SI: variants seen among roughly 807,000 people sequenced by gnomAD.
SI encodes sucrase-isomaltase, intestinal.
SI carries 235 observed loss-of-function variants against 253.3 expected under a neutral mutation model. That is an observed-to-expected ratio of 0.93 (90% CI 0.83 to 1.03). The LOEUF is 1.03. SI is among the 50% of genes least tolerant of loss of function. The pLI is 0.00. For missense variants in SI, 2,442 were observed against 2,211.1 expected, an observed-to-expected ratio of 1.10 and a Z score of -2.09; for synonymous variants, 819 against 712.0, an observed-to-expected ratio of 1.15 and a Z score of -2.39.
chr3:165,059,054 G>C lies in SI; in HGVS notation c.1307C>G (p.Ala436Gly). The C allele has an allele frequency of 6.2e-7, 1 of 1,612,290 alleles. No individual in the cohort carries two copies. Among genetic ancestry groups the C allele is most frequent in the Non-Finnish European group, 8.5e-7 (1 of 1,179,130 alleles). The change falls in exon 12 of 48, where the codon GCC (alanine) becomes GGC (glycine). Residue 436 changes from alanine (A) to glycine (G), a missense_variant. By Grantham distance (60) the Ala-to-Gly change is moderately conservative. Coordinates refer to ENST00000264382, the MANE Select transcript of SI (RefSeq NM_001041.4). ...LDPAISIGRR[A>G]NGTTYATYER... ...ATAGGTTGCATATGTTGTTCCATTG[G>C]CACGTCGACCTATGGAAATTGCAGG...
intron 18 of SI, 78 bp downstream of exon 18, chr3:165,040,862 T>G (rs1452676182): frequency 8.8e-7 from 1 of 1,133,184 alleles, no homozygotes; most frequent in Non-Finnish European, 1.3e-6. Flanking sequence ...TATCTTGATT[T>G]ACCTCCATTA....
intron 25 of SI, among the ~76,000 whole-genome samples, chr3:165,030,157 T>C (rs1214828968): frequency 2.7e-5 from 4 of 150,348 alleles, no homozygotes; most frequent in African/African-American, 7.3e-5. Context: ...AGCCCAGAAT[T>C]TGAAAAACAG....
intron 25 of SI, among the ~76,000 whole-genome samples, chr3:165,027,607 C>T (rs889450732): frequency 1.3e-5 from 2 of 151,222 alleles, no homozygotes; most frequent in Non-Finnish European, 3.0e-5. Context: ...AAAAGATAGC[C>T]CAACATGACC....
At chr3:164,980,269 A>G (rs1234999900) in intron 47 of SI, among the ~76,000 whole-genome samples, 2 of 151,990 alleles carry the variant, frequency 1.3e-5, no homozygotes, top group African/African-American at 4.8e-5. Flanking sequence ...ATAGTTAAAT[A>G]ATTGAGTATT....
At chr3:165,035,212 A>G (rs546859351) in intron 22 of SI, among the ~76,000 whole-genome samples, 8 of 152,038 alleles carry the variant, frequency 5.3e-5, no homozygotes, top group Non-Finnish European at 1.2e-4. Flanking sequence ...GGAGATATAA[A>G]TTTGAAAGTC....
At chr3:164,997,092 A>G (rs1576874802) in intron 38 of SI, among the ~76,000 whole-genome samples, 2 of 151,770 alleles carry the variant, frequency 1.3e-5, no homozygotes. Context: ...CATTTTTGAA[A>G]ATAAATATGC....
At chr3:165,058,900 A>ACACTCAC in intron 12 of SI, 63 bp downstream of exon 12, 5 of 1,389,746 alleles carry the variant, frequency 3.6e-6, no homozygotes, top group Non-Finnish European at 5.1e-6. Context: ...ACATCCACAG[A>ACACTCAC]AACTTTATTA....
chr3:165,029,438 C>T (rs1396765831), intron 25 of SI, among the ~76,000 whole-genome samples: 1 of 149,670 alleles, frequency 6.7e-6, no homozygotes, highest in East Asian at 2.0e-4. Flanking sequence ...GGGTATCTAC[C>T]CAGAGAAAAA....
chr3:165,061,932 G>A (rs1431589493), intron 9 of SI, among the ~76,000 whole-genome samples: 4 of 151,954 alleles, frequency 2.6e-5, no homozygotes, highest in Non-Finnish European at 5.9e-5. Flanking sequence ...TTTACCTGCT[G>A]TGAATTTATG....
At chr3:164,989,397 A>AAAG (rs1409506757) in intron 44 of SI, among the ~76,000 whole-genome samples, 32 of 143,410 alleles carry the variant, frequency 2.2e-4, no homozygotes, top group Non-Finnish European at 4.7e-4. Context: ...AGGAAGAAAG[A>AAAG]AAGAAAGAAA....
chr3:165,070,120 AATAG>A (rs1273553406), intron 3 of SI, among the ~76,000 whole-genome samples: 2 of 146,804 alleles, frequency 1.4e-5, no homozygotes, highest in East Asian at 3.9e-4. Context: ...ATAATATTTA[AATAG>A]ATAAGTATAT....
At chr3:165,056,309 A>G (rs1026508501) in intron 12 of SI, among the ~76,000 whole-genome samples, 3 of 152,120 alleles carry the variant, frequency 2.0e-5, no homozygotes, top group Admixed American at 6.6e-5. Flanking sequence ...AGTTGGATGA[A>G]TGTGATAAGA....
intron 26 of SI, among the ~76,000 whole-genome samples, chr3:165,022,847 G>A (rs1452911712): frequency 6.6e-6 from 1 of 151,522 alleles, no homozygotes; most frequent in East Asian, 1.9e-4. Context: ...AGCAGCGACT[G>A]AGCTAAAGTG....
At chr3:165,009,477 T>A in intron 34 of SI, 82 bp from the exon 35 acceptor site, 2 of 800,276 alleles carry the variant, frequency 2.5e-6, no homozygotes, top group Non-Finnish European at 4.5e-6. Context: ...ATTTGACAGA[T>A]CCACAAGTCA....
At chr3:165,042,788 CTT>C (rs1712906778) in intron 17 of SI, among the ~76,000 whole-genome samples, 1 of 152,072 alleles carries the variant, frequency 6.6e-6, no homozygotes. Context: ...ATACCGGTAA[CTT>C]AATATACTTG....
At chr3:165,044,739 A>G (rs181250615) in intron 16 of SI, among the ~76,000 whole-genome samples, 1 of 152,084 alleles carries the variant, frequency 6.6e-6, no homozygotes, top group Non-Finnish European at 1.5e-5. Context: ...GATGAACAGA[A>G]GTTTTCATTT....
At chr3:165,068,003 G>T (rs746186013) in intron 5 of SI, among the ~76,000 whole-genome samples, 20 of 151,888 alleles carry the variant, frequency 1.3e-4, no homozygotes, top group South Asian at 8.3e-4. Context: ...GATATACAAA[G>T]AATTTGGTGC....
At chr3:165,050,020 T>G in intron 13 of SI, 145 bp from the exon 14 acceptor site, 1 of 631,220 alleles carries the variant, frequency 1.6e-6, no homozygotes, top group Non-Finnish European at 2.9e-6. Flanking sequence ...GCTACCAACC[T>G]AAAAATAAAC....
intron 37 of SI, among the ~76,000 whole-genome samples, chr3:165,006,575 A>G (rs2108154347): frequency 6.6e-6 from 1 of 152,316 alleles, no homozygotes; most frequent in African/African-American, 2.4e-5. Flanking sequence ...ACAAAATAAA[A>G]ATGGTCTAGG....
Sources: gnomAD v4.1 joint callset for allele counts (sites outside exome capture counted in the v4.1 genomes callset) on GRCh38, gnomAD v4.1.1 for gene constraint, MANE v1.5 for transcripts, NCBI Gene and HGNC (gene_info 2026-07-23, HGNC 2026-07-21) for gene names.